The following PKP4 variants were observed in gnomAD, a reference collection of about 807,000 sequenced individuals.
The protein encoded by PKP4 is plakophilin-4.
In PKP4, 90 loss-of-function variants were observed where a neutral mutation model predicts 145.1. That is an observed-to-expected ratio of 0.62 (90% CI 0.52 to 0.74). The LOEUF (loss-of-function observed/expected upper bound fraction) is 0.74, where lower values mean the gene tolerates loss of function less well. PKP4 is among the 30% of genes least tolerant of loss of function. The pLI is 0.00. For missense variants in PKP4, 1,340 were observed against 1,482.7 expected (o/e 0.90, Z 1.58); for synonymous variants, 563 against 577.2 (o/e 0.98, Z 0.35).
At chr2:158,502,357 C>T (rs1416818237) in intron 1 of PKP4, among the ~76,000 whole-genome samples, 1 of 152,132 alleles carries the variant, frequency 6.6e-6, no homozygotes, top group Non-Finnish European at 1.5e-5. Context: ...TTCCTAGTCG[C>T]AGTAGGGGAG....
At chr2:158,493,379 C>A (rs1219382156) in intron 1 of PKP4, among the ~76,000 whole-genome samples, 1 of 152,072 alleles carries the variant, frequency 6.6e-6, no homozygotes, top group Admixed American at 6.5e-5. Context: ...AGTGGAAATA[C>A]CTGCCTCATT....
In PKP4 at chr2:158,468,770, C is replaced by CTTTTTTTT. The variant is rs58577988; in HGVS notation, c.-6+11564_-6+11571dup. Among the ~76,000 whole-genome samples, 101 of 109,948 alleles carry CTTTTTTTT rather than the reference C, an allele frequency of 9.2e-4. 1 individual carries two copies. The highest frequency in any genetic ancestry group is 1.4e-3 in the Admixed American group (12 of 8,838). The allele number at this position is 109,948 out of a possible 152,430, so 72.1% of individuals were successfully genotyped here. A position where few individuals can be genotyped will look rare whatever the true frequency, so the allele number is the denominator to read the frequency against. ...TTAGACATTTTCTTTTCTTCTTCTT[C>CTTTTTTTT]TTTTTTTTTTTTTTTTTTTGAGACA... On this transcript the variant is annotated intron_variant, in intron 1 of 21. Coordinates refer to ENST00000389759, the MANE Select transcript of PKP4 (RefSeq NM_003628.6).
chr2:158,640,856 AAG>A, intron 10 of PKP4, 97 bp downstream of exon 10: 1 of 1,317,426 alleles, frequency 7.6e-7, no homozygotes, highest in East Asian at 2.3e-5. Context: ...AGTGTAATTC[AAG>A]AGTCTTTTTA....
intron 1 of PKP4, among the ~76,000 whole-genome samples, chr2:158,515,468 A>G (rs1020840869): frequency 6.6e-6 from 1 of 152,178 alleles, no homozygotes; most frequent in Non-Finnish European, 1.5e-5. Flanking sequence ...AAAAAAAAGG[A>G]AAAGAAAATA....
chr2:158,573,586 C>T (rs2105772991), intron 2 of PKP4, among the ~76,000 whole-genome samples: 1 of 146,290 alleles, frequency 6.8e-6, no homozygotes, highest in South Asian at 2.2e-4. Context: ...CTATAATTTT[C>T]TGTATTTTTG....
intron 1 of PKP4, among the ~76,000 whole-genome samples, chr2:158,477,014 T>C (rs1341972613): frequency 6.6e-6 from 1 of 152,176 alleles, no homozygotes; most frequent in Non-Finnish European, 1.5e-5. Context: ...AACACCTGTA[T>C]AATAGAATTC....
Position 158,680,426 on chromosome 2 carries a change from C to T in PKP4, c.3331-3C>T. 6.4e-7 allele frequency: 1 copy of T among 1,565,448 alleles called. No homozygotes were observed. The highest frequency in any genetic ancestry group is 8.6e-7 in the Non-Finnish European group (1 of 1,156,756). ...TTTATTTGCCTTTTCATTTTGTCAA[C>T]AGCATCAACAGCTGTATTATAGTCA... On this transcript the variant is annotated splice_region_variant and splice_polypyrimidine_tract_variant and intron_variant, in intron 21 of 21. Coordinates refer to ENST00000389759, the MANE Select transcript of PKP4 (RefSeq NM_003628.6).
chr2:158,629,522 C>G (rs1024613519), intron 7 of PKP4, among the ~76,000 whole-genome samples: 3 of 152,142 alleles, frequency 2.0e-5, no homozygotes, highest in African/African-American at 4.8e-5. Flanking sequence ...AGCTAAAACC[C>G]ACATTGATTC....
chr2:158,651,267 A>G (rs1159881429), intron 11 of PKP4, among the ~76,000 whole-genome samples: 2 of 152,066 alleles, frequency 1.3e-5, no homozygotes, highest in African/African-American at 4.8e-5. Flanking sequence ...CATTTCTGTT[A>G]ACAGTGCCAT....
At chr2:158,630,392 G>T (rs551627579) in intron 7 of PKP4, among the ~76,000 whole-genome samples, 12 of 152,272 alleles carry the variant, frequency 7.9e-5, no homozygotes, top group Non-Finnish European at 5.9e-5. Flanking sequence ...ATACTAGAAA[G>T]AAGGTAAACA....
intron 3 of PKP4, among the ~76,000 whole-genome samples, chr2:158,589,758 C>T (rs1574652966): frequency 6.6e-6 from 1 of 152,236 alleles, no homozygotes; most frequent in Non-Finnish European, 1.5e-5. Flanking sequence ...TGGTAGTAAA[C>T]TCTCATTCTC....
chr2:158,530,502 T>TC (rs1445684502), intron 1 of PKP4, among the ~76,000 whole-genome samples: 1 of 122,528 alleles, frequency 8.2e-6, no homozygotes. Flanking sequence ...TACTCTTTCT[T>TC]TCTTTTTTTT....
chr2:158,673,587 C>T (rs1367357179), intron 17 of PKP4, 90 bp from the exon 18 acceptor site: 29 of 927,554 alleles, frequency 3.1e-5, no homozygotes, highest in African/African-American at 1.3e-4. Context: ...GAGCGATGGC[C>T]TGTTGGCCAC....
intron 1 of PKP4, among the ~76,000 whole-genome samples, chr2:158,521,375 T>C (rs2042357281): frequency 6.6e-6 from 1 of 152,184 alleles, no homozygotes; most frequent in Non-Finnish European, 1.5e-5. Context: ...TACAAACCTT[T>C]TGCTTAATTT....
At chr2:158,470,463 T>C (rs909418331) in intron 1 of PKP4, among the ~76,000 whole-genome samples, 2 of 152,196 alleles carry the variant, frequency 1.3e-5, no homozygotes, top group African/African-American at 4.8e-5. Flanking sequence ...AAATAGATAC[T>C]GTAATAGTAT....
At chr2:158,678,762 T>C (rs2106032269) in intron 21 of PKP4, 108 bp downstream of exon 21, 1 of 782,822 alleles carries the variant, frequency 1.3e-6, no homozygotes, top group East Asian at 2.5e-5. Context: ...GGGTCCTAGA[T>C]GCTTTCCCTG....
At chr2:158,669,014 A>G (rs539227792) in intron 16 of PKP4, 182 of 152,354 alleles carry the variant, frequency 1.2e-3, no homozygotes, top group African/African-American at 4.2e-3. Context: ...TTCAGTATCT[A>G]TAAAGAAATA....
chr2:158,519,707 T>G (rs1190612870), intron 1 of PKP4, among the ~76,000 whole-genome samples: 2 of 152,240 alleles, frequency 1.3e-5, no homozygotes, highest in African/African-American at 4.8e-5. Context: ...TTAAAATTTC[T>G]AGACTGACTA....
chr2:158,540,466 A>G (rs1270406021), intron 2 of PKP4, among the ~76,000 whole-genome samples: 3 of 152,210 alleles, frequency 2.0e-5, no homozygotes, highest in East Asian at 1.9e-4. Flanking sequence ...ACTCTGAGCA[A>G]AGCACTTTGT....
Sources: gnomAD v4.1 joint callset for allele counts (sites outside exome capture counted in the v4.1 genomes callset) on GRCh38, gnomAD v4.1.1 for gene constraint, MANE v1.5 for transcripts, NCBI Gene and HGNC (gene_info 2026-07-23, HGNC 2026-07-21) for gene names.